The following GRIP2 variants were observed in gnomAD, a reference collection of about 807,000 sequenced individuals.
The protein encoded by GRIP2 is glutamate receptor-interacting protein 2.
GRIP2 carries 58 observed loss-of-function variants against 108.3 expected under a neutral mutation model. The ratio of observed to expected loss-of-function variants is 0.54; its 90% confidence interval spans 0.43 to 0.67. The LOEUF (loss-of-function observed/expected upper bound fraction) is 0.67. GRIP2 is among the 30% of genes least tolerant of loss of function. The pLI is 0.00. For missense variants in GRIP2, 1,278 were observed against 1,430.6 expected, an observed-to-expected ratio of 0.89 and a Z score of 1.72; for synonymous variants, 586 against 598.2, an observed-to-expected ratio of 0.98 and a Z score of 0.30.
chr3:14,580,688 T>C, the GRIP2 span, among the ~76,000 whole-genome samples: 1 of 152,190 alleles, frequency 6.6e-6, no homozygotes, highest in African/African-American at 2.4e-5. Flanking sequence ...GGCCACAGAA[T>C]GAGACCCTGT....
the GRIP2 span, among the ~76,000 whole-genome samples, chr3:14,594,475 G>A: frequency 7.9e-5 from 12 of 152,282 alleles, no homozygotes; most frequent in African/African-American, 2.2e-4. Flanking sequence ...GGAAAGAGGC[G>A]CTCCCTCACC....
intron 11 of GRIP2, among the ~76,000 whole-genome samples, chr3:14,514,932 C>T (rs760026444): frequency 2.6e-5 from 4 of 152,204 alleles, no homozygotes; most frequent in Admixed American, 1.3e-4. Context: ...AACATCACCA[C>T]GATGCATTTG....
intron 4 of GRIP2, chr3:14,523,900 G>C: frequency 1.7e-6 from 1 of 578,012 alleles, no homozygotes. Context: ...CACTGAGAGA[G>C]AGGAAAGGGC....
At chr3:14,532,269 C>T (rs1490582125) in intron 1 of GRIP2, among the ~76,000 whole-genome samples, 7 of 152,186 alleles carry the variant, frequency 4.6e-5, no homozygotes, top group African/African-American at 1.7e-4. Context: ...CACTCTGCTC[C>T]AGCCAGGTCT....
Position 14,506,804 on chromosome 3 carries a change from G to A in GRIP2, c.2395C>T (p.Pro799Ser), listed in dbSNP as rs769637083. Reference sequence around the variant, plus strand: ...TCCAAGGGCCCCAAGGTATTACCTGGGCCCCCAAAGCCACCCTCGGTGGCC... The same window carrying A: ...TCCAAGGGCCCCAAGGTATTACCTGAGCCCCCAAAGCCACCCTCGGTGGCC... ...SSATEGGFGGPGSYTPQAAAR... is the reference protein window; with the variant it reads ...SSATEGGFGGSGSYTPQAAAR... The change falls in exon 19 of 24, where the codon CCA becomes TCA. Residue 799 changes from proline to serine, a missense_variant. Physicochemically the swap from Pro to Ser is moderately conservative, Grantham distance 74. Transcript: ENST00000621039. 23 of 1,593,924 alleles carry A rather than the reference G, an allele frequency of 1.4e-5. No individual in the cohort carries two copies. The highest frequency in any genetic ancestry group is 2.0e-5 in the Non-Finnish European group (23 of 1,170,340).
At position 14,521,609 on chromosome 3, in the gene GRIP2, G is replaced by A; in HGVS notation, c.712+33C>T. 6.3e-7 allele frequency: 1 copy of A among 1,575,396 alleles called. No homozygotes were observed. The highest frequency in any genetic ancestry group is 8.6e-7 in the Non-Finnish European group (1 of 1,157,608). The stretch of plus-strand genomic sequence containing the variant: ...CTCCCCCCATCCCAGGCCTCCTCCT[G>A]CCCCAACCCACACACTCAGGCCCCC... On this transcript the variant is annotated intron_variant, in intron 7 of 23. Coordinates refer to ENST00000621039, the MANE Select transcript of GRIP2 (RefSeq NM_001080423.4). This position sits in a 1 kb window ranked among gnomAD's most constrained non-coding sequence, Gnocchi z 5.1.
At chr3:14,579,338 TAC>T in the GRIP2 span, among the ~76,000 whole-genome samples, 1 of 152,230 alleles carries the variant, frequency 6.6e-6, no homozygotes, top group Non-Finnish European at 1.5e-5. Context: ...TAAAAATGTA[TAC>T]ACTTGTCAAA....
chr3:14,556,225 G>T (rs562342930), upstream of GRIP2: 353 of 381,646 alleles, frequency 9.2e-4, no homozygotes, highest in Non-Finnish European at 2.6e-4. Context: ...CCTCCAGCGG[G>T]CCCCACCCTC....
At chr3:14,573,437 G>A in the GRIP2 span, 1 of 1,448,540 alleles carries the variant, frequency 6.9e-7, no homozygotes. Flanking sequence ...TGTGCAGGAA[G>A]AGGGACAGCC....
intron 21 of GRIP2, among the ~76,000 whole-genome samples, chr3:14,496,897 CTGTT>C (rs1418009716): frequency 6.6e-6 from 1 of 151,740 alleles, no homozygotes; most frequent in Non-Finnish European, 1.5e-5. Context: ...GATGAGGAAA[CTGTT>C]TGTCTCCTTA....
chr3:14,578,170 C>G, the GRIP2 span, among the ~76,000 whole-genome samples: 1 of 152,214 alleles, frequency 6.6e-6, no homozygotes, highest in Non-Finnish European at 1.5e-5. Flanking sequence ...TCGATAAGCA[C>G]TGTCATCGAC....
In GRIP2 at chr3:14,494,832, C is replaced by T. The variant is rs1483619546; in HGVS notation, c.2970+11G>A. 3.1e-6 allele frequency: 5 copies of T among 1,608,712 alleles called. No homozygotes were observed. In the East Asian group the frequency reaches 6.7e-5, roughly 22 times the overall value. On this transcript the variant is annotated intron_variant, in intron 23 of 23. Coordinates refer to ENST00000621039, the MANE Select transcript of GRIP2 (RefSeq NM_001080423.4). ...GCCACCCCCACTATGGAGCCCCTGC[C>T]CCAGCATTACCTGCAGGACCCTGTC...
rs750080923 is a variant in GRIP2 at position 14,517,065 on chromosome 3, C to T, written c.1305G>A (p.Ser435=). ...AGGAGGGAAGAGACCACAGCTTACACGAGCTCTTGTGTTCCCTTCTTCGCT... is the reference window on the plus strand; with the variant it reads ...AGGAGGGAAGAGACCACAGCTTACATGAGCTCTTGTGTTCCCTTCTTCGCT... ...RRQRRREHKS[S]LSLASSTVGP... The change falls in exon 11 of 24, where the codon TCG becomes TCA. Residue 435 remains serine (S), a splice_region_variant and synonymous_variant. Coordinates refer to ENST00000621039, the MANE Select transcript of GRIP2 (RefSeq NM_001080423.4). 8 of 1,559,344 alleles carry T rather than the reference C, an allele frequency of 5.1e-6. No individual in the cohort carries two copies. The African/African-American group carries it at 5.5e-5, about 11-fold the overall frequency.
At chr3:14,575,578 T>G in the GRIP2 span, among the ~76,000 whole-genome samples, 4 of 152,186 alleles carry the variant, frequency 2.6e-5, no homozygotes, top group African/African-American at 7.2e-5. Flanking sequence ...ATATTCGCTT[T>G]AATAGGCACA....
In GRIP2 at chr3:14,520,621, C is replaced by T. The variant is rs1359536470; in HGVS notation, c.713-84G>A. On this transcript the variant is annotated intron_variant, in intron 7 of 23. Coordinates refer to ENST00000621039, the MANE Select transcript of GRIP2 (RefSeq NM_001080423.4). ...CTCACCCTGCTATCCTGATTTAATC[C>T]TTGCTGCCTGGAAGAAACTGTTATA... 14 of 1,437,170 alleles carry T rather than the reference C, an allele frequency of 9.7e-6. No individual in the cohort carries two copies. In the African/African-American group the frequency reaches 1.7e-4, roughly 17 times the overall value. The allele number at this position is 1,437,170 out of a possible 1,614,324, so 89.0% of individuals were successfully genotyped here. A position where few individuals can be genotyped will look rare whatever the true frequency, so the allele number is the denominator to read the frequency against.
At chr3:14,501,358 T>G (rs1017749955) in intron 21 of GRIP2, among the ~76,000 whole-genome samples, 1 of 152,224 alleles carries the variant, frequency 6.6e-6, no homozygotes, top group African/African-American at 2.4e-5. Flanking sequence ...ATTTTATATA[T>G]GAATTTTATC....
chr3:14,495,641 G>A (rs112870613), intron 22 of GRIP2, among the ~76,000 whole-genome samples: 1 of 151,832 alleles, frequency 6.6e-6, no homozygotes, highest in Admixed American at 6.6e-5. Context: ...TCTTGACCTC[G>A]TGATCCACCC....
chr3:14,495,423 T>C (rs1244253407), intron 22 of GRIP2, among the ~76,000 whole-genome samples: 4 of 152,168 alleles, frequency 2.6e-5, no homozygotes, highest in Non-Finnish European at 5.9e-5. Flanking sequence ...GTTTTTGTTT[T>C]TGAGATGGAG....
Position 14,522,973 on chromosome 3 carries a change from G to C in GRIP2, c.566+27C>G. 6.2e-7 allele frequency: 1 copy of C among 1,602,576 alleles called. No individual in the cohort carries two copies. The highest frequency in any genetic ancestry group is 1.1e-5 in the South Asian group (1 of 90,858). On this transcript the variant is annotated intron_variant, in intron 6 of 23. Coordinates refer to ENST00000621039, the MANE Select transcript of GRIP2 (RefSeq NM_001080423.4). This position sits in a 1 kb window ranked among gnomAD's most constrained non-coding sequence, Gnocchi z 4.3. The stretch of plus-strand genomic sequence containing the variant: ...GGGAGTTGGGGCAGGTCAGTGCAGT[G>C]TGTGGATTTCTTCTGCCTCGGCTCA...
Sources: gnomAD v4.1 joint callset for allele counts (sites outside exome capture counted in the v4.1 genomes callset) on GRCh38, gnomAD v4.1.1 for gene constraint, Gnocchi (gnomAD v3.1) non-coding constraint, MANE v1.5 for transcripts, NCBI Gene and HGNC (gene_info 2026-07-23, HGNC 2026-07-21) for gene names.